Variants in AKAP17A observed in about 807,000 individuals in gnomAD.
The protein encoded by AKAP17A is A-kinase anchor protein 17A.
Under a neutral mutation model 52.2 loss-of-function variants are expected in AKAP17A, and 15 were observed. The observed-to-expected ratio is 0.29, with a 90% confidence interval of 0.19 to 0.44. The LOEUF is 0.44. AKAP17A is among the 20% of genes least tolerant of loss of function. The pLI is 1.00. For missense variants in AKAP17A, 1,060 were observed against 1,007.0 expected (o/e 1.05, Z -0.71); for synonymous variants, 514 against 424.7 (o/e 1.21, Z -2.58).
intron 4 of AKAP17A, chrX:1,600,383 G>C (rs766822790): frequency 1.6e-6 from 1 of 621,716 alleles, no homozygotes; most frequent in East Asian, 2.9e-5. Flanking sequence ...CTGCCCAAGA[G>C]GCCCGCCCTG....
At chrX:1,600,032 G>T in intron 4 of AKAP17A, 1 of 641,002 alleles carries the variant, frequency 1.6e-6, no homozygotes, top group South Asian at 1.5e-5. Context: ...CAGACAGACA[G>T]ACCTCCCCAG....
chrX:1,601,860 T>C lies in AKAP17A; in HGVS notation c.*266T>C. Reference sequence around the variant, plus strand: ...CCGATAGCTTTAATGCGGCCGGTCCTCTCTCAGTCAGGAAAATTGCACAGA... The same window carrying C: ...CCGATAGCTTTAATGCGGCCGGTCCCCTCTCAGTCAGGAAAATTGCACAGA... On this transcript the variant is annotated 3_prime_UTR_variant, in exon 5 of 5. Coordinates refer to ENST00000313871, the MANE Select transcript of AKAP17A (RefSeq NM_005088.3). 2.6e-6 allele frequency: 1 copy of C among 389,168 alleles called. No individual in the cohort carries two copies. The highest frequency in any genetic ancestry group is 4.5e-6 in the Non-Finnish European group (1 of 220,692). 24.1% of individuals were successfully genotyped at this position (389,168 alleles called of 1,614,324 possible).
At position 1,599,429 on chromosome X, in the gene AKAP17A, C is replaced by T; in HGVS notation, c.1149C>T (p.Ala383=). The change falls in exon 4 of 5, where the codon GCC becomes GCT. Residue 383 remains alanine, a synonymous_variant. Coordinates refer to ENST00000313871, the MANE Select transcript of AKAP17A (RefSeq NM_005088.3). ...IRLIAELLSR[A]KAVKLREQEQ... ...TCATCGCCGAGCTGCTCAGCAGAGCCAAGGTACCCGGGGGCTCCCTCTGCA... is the reference window on the plus strand; with the variant it reads ...TCATCGCCGAGCTGCTCAGCAGAGCTAAGGTACCCGGGGGCTCCCTCTGCA... 6.4e-7 allele frequency: 1 copy of T among 1,561,318 alleles called. No homozygotes were observed. The highest frequency in any genetic ancestry group is 8.7e-7 in the Non-Finnish European group (1 of 1,153,872).
At chrX:1,598,868 C>G in intron 3 of AKAP17A, among the ~76,000 whole-genome samples, 1 of 152,194 alleles carries the variant, frequency 6.6e-6, no homozygotes, top group East Asian at 1.9e-4. Flanking sequence ...CCTCTTTCAC[C>G]CGTCCGTCTG....
chrX:1,598,114 G>C (rs747882783), intron 3 of AKAP17A, among the ~76,000 whole-genome samples: 2 of 152,192 alleles, frequency 1.3e-5, no homozygotes, highest in Non-Finnish European at 2.9e-5. Flanking sequence ...GCCCAGCCTC[G>C]AGGCGTCGCT....
Position 1,594,246 on chromosome X carries a change from A to G in AKAP17A, c.762+22A>G, listed in dbSNP as rs201439099. ...CAAGGTGAGTCCTGGGCACCGAGAG[A>G]GCCACGCGCTTCCTCCCTCTGGCGA... On this transcript the variant is annotated intron_variant, in intron 2 of 4. Transcript: ENST00000313871. The G allele has an allele frequency of 1.8e-3, 2,648 of 1,503,882 alleles. 4 individuals carry two copies. Among genetic ancestry groups the G allele is most frequent in the Non-Finnish European group, 2.2e-3 (2,468 of 1,128,010 alleles). The allele number at this position is 1,503,882 out of a possible 1,614,324, so 93.2% of individuals were successfully genotyped here.
Position 1,601,521 on chromosome X carries a change from G to T in AKAP17A, c.2015G>T (p.Ser672Ile). The change falls in exon 5 of 5, where the codon AGC becomes ATC. Residue 672 changes from serine to isoleucine, a missense_variant. Transcript: ENST00000313871. ...ERRGSASRKH[S>I]RHRRRSERSR... is the part of the protein sequence containing the mutation. ...AGGGGCAGCGCCAGCAGGAAGCACA[G>T]CCGCCACCGCCGCCGAAGCGAGCGG... The T allele has an allele frequency of 6.7e-7, 1 of 1,492,604 alleles. No homozygotes were observed. The highest frequency in any genetic ancestry group is 8.8e-7 in the Non-Finnish European group (1 of 1,131,368). The allele number at this position is 1,492,604 out of a possible 1,614,324, so 92.5% of individuals were successfully genotyped here. A position where few individuals can be genotyped will look rare whatever the true frequency, so the allele number is the denominator to read the frequency against.
In AKAP17A at chrX:1,601,223, C is replaced by G. The variant is rs184492743; in HGVS notation, c.1717C>G (p.Arg573Gly). Residue 573 changes from arginine to glycine, a missense_variant, in exon 5 of 5, where the codon CGG becomes GGG. This residue lies in a region of AKAP17A where 793 missense variants were observed against 629.9 expected (regional missense o/e 1.26). Coordinates refer to ENST00000313871, the MANE Select transcript of AKAP17A (RefSeq NM_005088.3). ...GCAGAATGTCTCCAGAAAGGACACC[C>G]GGTCAGAACAGGACAAGTGCAACCG... ...CEQNVSRKDTRSEQDKCNREP... is the reference protein window; with the variant it reads ...CEQNVSRKDTGSEQDKCNREP... 5 of 1,613,880 alleles carry G rather than the reference C, an allele frequency of 3.1e-6. No homozygotes were observed. In the East Asian group the frequency reaches 1.1e-4, roughly 36 times the overall value.
At chrX:1,598,075 A>G (rs1933108223) in intron 3 of AKAP17A, among the ~76,000 whole-genome samples, 1 of 152,084 alleles carries the variant, frequency 6.6e-6, no homozygotes, top group Non-Finnish European at 1.5e-5. Flanking sequence ...TGTAACTTTG[A>G]GCTTGATGAG....
At chrX:1,597,023 A>G (rs1390741801) in intron 3 of AKAP17A, among the ~76,000 whole-genome samples, 3 of 152,214 alleles carry the variant, frequency 2.0e-5, no homozygotes, top group African/African-American at 7.2e-5. Context: ...CGCCGATATC[A>G]AGTCTGGGAC....
chrX:1,591,791 C>T (rs1283556521), intron 1 of AKAP17A, 22 bp downstream of exon 1: 3 of 151,366 alleles, frequency 2.0e-5, no homozygotes, highest in Non-Finnish European at 4.4e-5. Context: ...CCCCGTGCCT[C>T]CCGGGCCTGG....
At chrX:1,596,029 TCA>T (rs1207079476) in intron 3 of AKAP17A, among the ~76,000 whole-genome samples, 2 of 152,046 alleles carry the variant, frequency 1.3e-5, no homozygotes, top group Admixed American at 1.3e-4. Context: ...CTTTTTCTTG[TCA>T]CACGTCGTGG....
rs147871210 is a variant in AKAP17A at position 1,594,146 on chromosome X, C to T, written c.684C>T (p.Ile228=). The T allele has an allele frequency of 4.9e-4, 786 of 1,610,248 alleles. 3 individuals carry two copies. The African/African-American group carries it at 9.5e-3, about 19-fold the overall frequency. ...AGTACCGCGAGTACATGGGCTTCAT[C>T]CAGGCCATGAGCGCCCTGCGCGGGA... is the stretch of plus-strand genomic sequence containing the variant. ...YVQYREYMGF[I]QAMSALRGMK... is the part of the protein sequence containing the mutation. Residue 228 remains isoleucine (I), a synonymous_variant, in exon 2 of 5, where the codon ATC becomes ATT. Transcript: ENST00000313871.
intron 3 of AKAP17A, among the ~76,000 whole-genome samples, chrX:1,598,324 G>C (rs1236694980): frequency 2.0e-5 from 3 of 152,200 alleles, no homozygotes; most frequent in Non-Finnish European, 4.4e-5. Flanking sequence ...GGGTGGCAGA[G>C]CGTGGGATGC....
chrX:1,595,524 G>A lies in AKAP17A; in HGVS notation c.903G>A (p.Ala301=), dbSNP rs780856400. 81 of 1,613,764 alleles carry A rather than the reference G, an allele frequency of 5.0e-5. No homozygotes were observed. Among genetic ancestry groups the A allele is most frequent in the Middle Eastern group, 3.3e-4 (2 of 5,976 alleles). ...AGGAAGCGGAGGAGAGGCAGCGAGC[G>A]GAGGAAAGGTACCTTCTGCGGGAGC... ...REKEAEERQR[A]EERKQKELEE... Residue 301 remains alanine (A), a synonymous_variant, in exon 3 of 5, where the codon GCG becomes GCA. Coordinates refer to ENST00000313871, the MANE Select transcript of AKAP17A (RefSeq NM_005088.3).
rs1932872785 is a variant in AKAP17A at position 1,593,382 on chromosome X, C to T, written c.-19-62C>T. The T allele has an allele frequency of 2.0e-6, 3 of 1,532,356 alleles. No individual in the cohort carries two copies. In the East Asian group the frequency reaches 6.8e-5, roughly 35 times the overall value. The allele number at this position is 1,532,356 out of a possible 1,614,324, so 94.9% of individuals were successfully genotyped here. A position where few individuals can be genotyped will look rare whatever the true frequency, so the allele number is the denominator to read the frequency against. On this transcript the variant is annotated intron_variant, in intron 1 of 4. Transcript: ENST00000313871. The stretch of plus-strand genomic sequence containing the variant: ...CCAGAAAGTGCCTGCTGGCTTGGCC[C>T]CTCCTCATTGGCGGGGGAGGTGGGG...
In AKAP17A at chrX:1,591,660, G is replaced by C. The variant is rs1270226073; in HGVS notation, c.-129G>C. On this transcript the variant is annotated 5_prime_UTR_variant, in exon 1 of 5. Transcript: ENST00000313871. The stretch of plus-strand genomic sequence containing the variant: ...GGCGTCGGAGGCGCCTCCGGGGGAC[G>C]GTGGCGGCTCCCGGCGGTGAGGCCG... 6.6e-6 allele frequency: 1 copy of C among 152,108 alleles called. No homozygotes were observed. The highest frequency in any genetic ancestry group is 1.5e-5 in the Non-Finnish European group (1 of 67,960). The allele number at this position is 152,108 out of a possible 1,614,324, so 9.4% of individuals were successfully genotyped here. A position where few individuals can be genotyped will look rare whatever the true frequency, so the allele number is the denominator to read the frequency against.
Position 1,593,550 on chromosome X carries a change from A to G in AKAP17A, c.88A>G (p.Met30Val). Residue 30 changes from methionine to valine, a missense_variant, in exon 2 of 5, where the codon ATG (methionine) becomes GTG (valine). This residue lies in a region of AKAP17A where 267 missense variants were observed against 377.1 expected (regional missense o/e 0.71). Coordinates refer to ENST00000313871, the MANE Select transcript of AKAP17A (RefSeq NM_005088.3). ...YGLYLKPITK[M>V]TISVALPQLK... ...CTTGTACCTGAAGCCCATCACCAAGATGACCATCAGCGTGGCACTCCCGCA... is the reference window on the plus strand; with the variant it reads ...CTTGTACCTGAAGCCCATCACCAAGGTGACCATCAGCGTGGCACTCCCGCA... 6.2e-7 allele frequency: 1 copy of G among 1,613,682 alleles called. No individual in the cohort carries two copies.
intron 4 of AKAP17A, 93 bp from the exon 5 acceptor site, chrX:1,600,566 C>A: frequency 7.9e-7 from 1 of 1,263,494 alleles, no homozygotes; most frequent in Non-Finnish European, 1.1e-6. Flanking sequence ...CATCCCCAGA[C>A]CATGGGGCCT....
Sources: allele counts gnomAD v4.1 joint callset (sites outside exome capture counted in the v4.1 genomes callset), GRCh38; gene constraint gnomAD v4.1.1; regional missense constraint gnomAD v4.1.1; transcripts MANE v1.5; gene names NCBI Gene and HGNC (gene_info 2026-07-23, HGNC 2026-07-21).